FRAS1: variants seen among roughly 807,000 people sequenced by gnomAD.
The protein encoded by FRAS1 is extracellular matrix organizing protein FRAS1.
A neutral mutation model predicts 435.2 loss-of-function variants in FRAS1; 290 were observed. The ratio of observed to expected loss-of-function variants is 0.67; its 90% confidence interval spans 0.61 to 0.73. The LOEUF is 0.73. Ranked by LOEUF, FRAS1 falls within the 30% of genes least tolerant of loss-of-function variation. FRAS1 has a pLI of 0.00. For synonymous variants in FRAS1, 1,800 were observed against 1,851.0 expected (o/e 0.97, Z 0.71); for missense variants, 4,860 against 5,001.5 (o/e 0.97, Z 0.85).
intron 2 of FRAS1, among the ~76,000 whole-genome samples, chr4:78,205,827 T>C (rs1245135823): frequency 6.6e-6 from 1 of 152,092 alleles, no homozygotes; most frequent in Non-Finnish European, 1.5e-5. Context: ...CACCGCAGTC[T>C]GGCCTCTCAC....
rs569099270 is a variant in FRAS1 at position 78,468,151 on chromosome 4, A to C, written c.7257+1716A>C. Among the ~76,000 whole-genome samples, 3 of 152,116 alleles carry C rather than the reference A, an allele frequency of 2.0e-5. No homozygotes were observed. The South Asian group carries it at 6.2e-4, about 32-fold the overall frequency. ...TAACACTTAATAAATCTTTGCTCAC[A>C]CTGATGTCCTAGAGAGTTTTCTTAA... On this transcript the variant is annotated intron_variant, in intron 50 of 73. Transcript: ENST00000512123.
In FRAS1 at chr4:78,293,408, T is replaced by A. The variant is rs1260764808; in HGVS notation, c.1534+6869T>A. ...GTACAGGCATGACTAAACTTTGGCTTACAGATGACCTATCTTCCATTTGGC... is the reference window on the plus strand; with the variant it reads ...GTACAGGCATGACTAAACTTTGGCTAACAGATGACCTATCTTCCATTTGGC... On this transcript the variant is annotated intron_variant, in intron 14 of 73. Coordinates refer to ENST00000512123, the MANE Select transcript of FRAS1 (RefSeq NM_025074.7). Among the ~76,000 whole-genome samples, 7 of 152,242 alleles carry A rather than the reference T, an allele frequency of 4.6e-5. No homozygotes were observed. The South Asian group carries it at 1.4e-3, about 31-fold the overall frequency.
chr4:78,307,296 C>T (rs1057130340), intron 14 of FRAS1, among the ~76,000 whole-genome samples: 3 of 152,238 alleles, frequency 2.0e-5, no homozygotes, highest in East Asian at 1.9e-4. Flanking sequence ...TTTAAGTCTG[C>T]AGAGGTTATT....
chr4:78,407,745 C>T lies in FRAS1; in HGVS notation c.4212C>T (p.Thr1404=). 6.2e-7 allele frequency: 1 copy of T among 1,613,750 alleles called. No homozygotes were observed. Among genetic ancestry groups the T allele is most frequent in the Non-Finnish European group, 8.5e-7 (1 of 1,179,782 alleles). The change falls in exon 31 of 74, where the codon ACC becomes ACT. Residue 1404 remains threonine, a synonymous_variant. Transcript: ENST00000512123. ...GQHLPDGRTA[T]PTSTFTQQDI... ...ACCTGCCTGATGGGAGGACAGCTAC[C>T]CCCACCAGCACCTTCACCCAGCAGG...
intron 47 of FRAS1, among the ~76,000 whole-genome samples, chr4:78,459,319 C>T (rs572698091): frequency 6.6e-6 from 1 of 152,322 alleles, no homozygotes; most frequent in Admixed American, 6.5e-5. Flanking sequence ...AGAATACTTA[C>T]ATTTTGGAAG....
intron 24 of FRAS1, 46 bp from the exon 25 acceptor site, chr4:78,374,065 C>A: frequency 6.6e-7 from 1 of 1,523,302 alleles, no homozygotes; most frequent in Non-Finnish European, 8.9e-7. Context: ...CCTGGAGCCC[C>A]TGGAAAGCCA....
intron 27 of FRAS1, among the ~76,000 whole-genome samples, chr4:78,382,444 G>A (rs991514369): frequency 6.6e-6 from 1 of 151,998 alleles, no homozygotes; most frequent in Admixed American, 6.6e-5. Context: ...ACTGAACACT[G>A]TTATTGGAAC....
chr4:78,442,025 C>G (rs1020658788), intron 41 of FRAS1, among the ~76,000 whole-genome samples: 9 of 152,210 alleles, frequency 5.9e-5, no homozygotes, highest in African/African-American at 2.2e-4. Context: ...TGCCTGAGCA[C>G]CAGCACTGGG....
chr4:78,059,667 G>A (rs1038288650), intron 1 of FRAS1, among the ~76,000 whole-genome samples: 1 of 151,888 alleles, frequency 6.6e-6, no homozygotes, highest in Non-Finnish European at 1.5e-5. Flanking sequence ...CGCAGGAAAC[G>A]TGCTATCACT....
At chr4:78,201,023 A>T (rs1302313497) in intron 2 of FRAS1, among the ~76,000 whole-genome samples, 1 of 151,332 alleles carries the variant, frequency 6.6e-6, no homozygotes, top group African/African-American at 2.4e-5. Context: ...CTTCAACATA[A>T]TGAGTTCTCA....
chr4:78,132,718 G>T (rs1578144834), intron 2 of FRAS1, among the ~76,000 whole-genome samples: 1 of 152,282 alleles, frequency 6.6e-6, no homozygotes, highest in East Asian at 1.9e-4. Context: ...AGAAAGGATG[G>T]TGGTAGGTTC....
Position 78,182,965 on chromosome 4 carries a change from T to C in FRAS1, c.109-54545T>C, listed in dbSNP as rs1317780161. Among the ~76,000 whole-genome samples, 7 of 147,120 alleles carry C rather than the reference T, an allele frequency of 4.8e-5. No homozygotes were observed. The East Asian group carries it at 1.4e-3, about 29-fold the overall frequency. ...AGTTCAGCACAAAGATGAGAATGGA[T>C]GAGAGAGGGAGAAAAACAGGAACTC... is the stretch of plus-strand genomic sequence containing the variant. On this transcript the variant is annotated intron_variant, in intron 2 of 73. Coordinates refer to ENST00000512123, the MANE Select transcript of FRAS1 (RefSeq NM_025074.7).
chr4:78,379,368 T>A (rs1037577377), intron 26 of FRAS1: 3 of 222,916 alleles, frequency 1.3e-5, no homozygotes, highest in African/African-American at 7.0e-5. Context: ...AATGGCCTAC[T>A]CCAGCCATCG....
In FRAS1 at chr4:78,200,097, C is replaced by T. The variant is rs142502847; in HGVS notation, c.109-37413C>T. ...TCACCACCCTAACTGCCTGCTCATT[C>T]AATGTGAAGCAGTTGAACACAGGTC... On this transcript the variant is annotated intron_variant, in intron 2 of 73. Transcript: ENST00000512123. Among the ~76,000 whole-genome samples, 887 of 152,282 alleles carry T rather than the reference C, an allele frequency of 5.8e-3. 8 individuals carry two copies. Among genetic ancestry groups the T allele is most frequent in the Middle Eastern group, 0.014 (4 of 294 alleles).
At chr4:78,493,900 C>T (rs1024159147) in intron 59 of FRAS1, among the ~76,000 whole-genome samples, 2 of 152,134 alleles carry the variant, frequency 1.3e-5, no homozygotes, top group Non-Finnish European at 2.9e-5. Flanking sequence ...GAATCAGAAT[C>T]ACATTTTCCC....
chr4:78,253,997 T>TTATTA (rs1553934581), intron 5 of FRAS1, among the ~76,000 whole-genome samples: 42,459 of 151,246 alleles, frequency 0.28, 6,814 homozygotes, highest in East Asian at 0.38. Flanking sequence ...CTTTACTTAT[T>TTATTA]TGTCTTTATT....
intron 2 of FRAS1, among the ~76,000 whole-genome samples, chr4:78,155,115 A>G (rs985497325): frequency 6.6e-6 from 1 of 152,220 alleles, no homozygotes; most frequent in African/African-American, 2.4e-5. Context: ...GCTTTAAACT[A>G]TAAAATTCTA....
At chr4:78,263,252 T>C (rs1046217901) in intron 6 of FRAS1, among the ~76,000 whole-genome samples, 12 of 152,236 alleles carry the variant, frequency 7.9e-5, no homozygotes, top group Non-Finnish European at 1.6e-4. Context: ...CTCAATCGTG[T>C]AGTTCTCTTG....
In FRAS1 at chr4:78,319,561, T is replaced by C. The variant is rs562248977; in HGVS notation, c.2137+575T>C. On this transcript the variant is annotated intron_variant, in intron 18 of 73. Transcript: ENST00000512123. ...GTAGCCTTGCTGTTGGGTGAATAGT[T>C]TGACTCTAAAGCTACGTGAAAAAAA... 6 of 344,472 alleles carry C rather than the reference T, an allele frequency of 1.7e-5. No homozygotes were observed. The Admixed American group carries it at 2.1e-4, about 12-fold the overall frequency. The allele number at this position is 344,472 out of a possible 1,614,324, so 21.3% of individuals were successfully genotyped here.
Sources: gnomAD v4.1 joint callset for allele counts (sites outside exome capture counted in the v4.1 genomes callset) on GRCh38, gnomAD v4.1.1 for gene constraint, MANE v1.5 for transcripts, NCBI Gene and HGNC (gene_info 2026-07-23, HGNC 2026-07-21) for gene names.